COL8A1: variants seen among roughly 807,000 people sequenced by gnomAD.
COL8A1 encodes the protein collagen alpha-1(VIII) chain.
COL8A1 carries 21 observed loss-of-function variants against 42.7 expected under a neutral mutation model. The ratio of observed to expected loss-of-function variants is 0.49; its 90% CI spans 0.35 to 0.71. The LOEUF (loss-of-function observed/expected upper bound fraction) is 0.71, where lower values mean the gene tolerates loss of function less well. Ranked by LOEUF, COL8A1 falls within the 30% of genes least tolerant of loss-of-function variation. The probability of loss-of-function intolerance (pLI) is 0.01; values close to 1 mark genes in which losing one functional copy is unlikely to be tolerated. For synonymous variants in COL8A1, 367 were observed against 369.1 expected (o/e 0.99, Z 0.06); for missense variants, 788 against 962.4 (o/e 0.82, Z 2.40).
intron 2 of COL8A1, among the ~76,000 whole-genome samples, chr3:99,763,693 A>C (rs1941406744): frequency 6.6e-6 from 1 of 152,088 alleles, no homozygotes; most frequent in African/African-American, 2.4e-5. Flanking sequence ...GTTTTAACCC[A>C]GGCAGTGTGG....
At chr3:99,732,690 C>T (rs887570066) in intron 1 of COL8A1, among the ~76,000 whole-genome samples, 34 of 152,154 alleles carry the variant, frequency 2.2e-4, no homozygotes, top group Admixed American at 1.0e-3. Context: ...CTGGCCCCTC[C>T]CAAATCTCAT....
chr3:99,653,061 A>G (rs1004450947), intron 1 of COL8A1, among the ~76,000 whole-genome samples: 12 of 152,148 alleles, frequency 7.9e-5, no homozygotes, highest in African/African-American at 2.9e-4. Context: ...AAATAAACTT[A>G]CCTCTCAGGA....
At chr3:99,741,297 A>G (rs1193887992) in intron 1 of COL8A1, among the ~76,000 whole-genome samples, 1 of 151,990 alleles carries the variant, frequency 6.6e-6, no homozygotes, top group Non-Finnish European at 1.5e-5. Context: ...GATTTGTAAG[A>G]GCTCTTTATA....
chr3:99,691,782 A>C (rs563793536), intron 1 of COL8A1: 5 of 151,402 alleles, frequency 3.3e-5, no homozygotes, highest in African/African-American at 1.2e-4. Context: ...AGAGAGGTAA[A>C]GTTGATTTCC....
intron 1 of COL8A1, among the ~76,000 whole-genome samples, chr3:99,664,488 A>AAAAT (rs1054618933): frequency 1.3e-5 from 2 of 152,106 alleles, no homozygotes; most frequent in Non-Finnish European, 2.9e-5. Flanking sequence ...ATAATAAAAA[A>AAAAT]AAAATAAAAT....
intron 1 of COL8A1, among the ~76,000 whole-genome samples, chr3:99,741,128 A>C (rs575621246): frequency 6.6e-6 from 1 of 152,270 alleles, no homozygotes. Flanking sequence ...ATCTTGGCTG[A>C]TTTGATAACT....
chr3:99,667,264 A>G (rs1314120306), intron 1 of COL8A1, among the ~76,000 whole-genome samples: 2 of 152,138 alleles, frequency 1.3e-5, no homozygotes, highest in African/African-American at 4.8e-5. Context: ...TTCTTGTAAG[A>G]GGCATCATTA....
At chr3:99,657,312 G>A (rs1938053560) in intron 1 of COL8A1, among the ~76,000 whole-genome samples, 1 of 151,918 alleles carries the variant, frequency 6.6e-6, no homozygotes, top group Admixed American at 6.6e-5. Flanking sequence ...GGCTTTCATG[G>A]GTGTTAACTC....
chr3:99,714,478 C>T (rs1244733931), intron 1 of COL8A1, among the ~76,000 whole-genome samples: 1 of 152,060 alleles, frequency 6.6e-6, no homozygotes, highest in Non-Finnish European at 1.5e-5. Context: ...ACAGTGTTAA[C>T]AGAAGAATGA....
At chr3:99,638,884 C>A (rs1342170245) in intron 1 of COL8A1, among the ~76,000 whole-genome samples, 1 of 152,116 alleles carries the variant, frequency 6.6e-6, no homozygotes, top group African/African-American at 2.4e-5. Flanking sequence ...TATTGCGAAA[C>A]CTTTCTCTTT....
At chr3:99,749,291 T>G (rs1023735900) in intron 2 of COL8A1, among the ~76,000 whole-genome samples, 2 of 152,182 alleles carry the variant, frequency 1.3e-5, no homozygotes, top group African/African-American at 4.8e-5. Flanking sequence ...TTTACAGGGC[T>G]TTGAAAATCA....
chr3:99,668,440 C>A (rs967681247), intron 1 of COL8A1, among the ~76,000 whole-genome samples: 23 of 152,056 alleles, frequency 1.5e-4, no homozygotes, highest in African/African-American at 5.6e-4. Flanking sequence ...ATACACTATT[C>A]TTGCCATAAC....
chr3:99,682,173 C>T (rs997429746), intron 1 of COL8A1, among the ~76,000 whole-genome samples: 96 of 152,012 alleles, frequency 6.3e-4, no homozygotes, highest in African/African-American at 2.2e-3. Flanking sequence ...CCAGCACTTT[C>T]GGAGGCCAAG....
At position 99,796,606 on chromosome 3, in the gene COL8A1, T is replaced by G. The variant is rs1308603466; in HGVS notation, c.*470T>G. ...TTCCTCTGTATTTGTGTAGATACTT[T>G]GACATGGAATATATGGTGGGGAGAC... On this transcript the variant is annotated 3_prime_UTR_variant, in exon 4 of 4. Coordinates refer to ENST00000652472, the MANE Select transcript of COL8A1 (RefSeq NM_020351.4). 1 of 152,584 alleles carries G rather than the reference T, an allele frequency of 6.6e-6. No individual in the cohort carries two copies. Among genetic ancestry groups the G allele is most frequent in the Non-Finnish European group, 1.5e-5 (1 of 68,420 alleles). 9.5% of individuals were successfully genotyped at this position (152,584 alleles called of 1,614,324 possible).
At chr3:99,651,158 CAAAATGGGATGAGGAATG>C (rs1937833891) in intron 1 of COL8A1, among the ~76,000 whole-genome samples, 1 of 152,118 alleles carries the variant, frequency 6.6e-6, no homozygotes, top group Non-Finnish European at 1.5e-5. Flanking sequence ...ACTATATAAA[CAAAATGGGATGAGGAATG>C]AAAAAGTTCC....
intron 2 of COL8A1, among the ~76,000 whole-genome samples, chr3:99,772,427 G>T (rs1438505126): frequency 6.6e-6 from 1 of 152,112 alleles, no homozygotes; most frequent in Non-Finnish European, 1.5e-5. Flanking sequence ...ACAACACCAA[G>T]AGTGAACACT....
chr3:99,791,047 C>A (rs1941991434), intron 3 of COL8A1, 37 bp downstream of exon 3: 1 of 1,528,700 alleles, frequency 6.5e-7, no homozygotes, highest in Non-Finnish European at 8.9e-7. Flanking sequence ...AAAACAACAG[C>A]TTTCCAAATC....
chr3:99,754,084 GAATA>G (rs1456777819), intron 2 of COL8A1, among the ~76,000 whole-genome samples: 1 of 152,130 alleles, frequency 6.6e-6, no homozygotes, highest in Non-Finnish European at 1.5e-5. Flanking sequence ...AGTATACACT[GAATA>G]AATAATTTTT....
intron 1 of COL8A1, among the ~76,000 whole-genome samples, chr3:99,682,310 G>A (rs917575309): frequency 2.6e-5 from 4 of 152,078 alleles, no homozygotes; most frequent in African/African-American, 7.2e-5. Context: ...CCAGCTACTC[G>A]GGAGTCTGAG....
Sources: allele counts gnomAD v4.1 joint callset (sites outside exome capture counted in the v4.1 genomes callset), GRCh38; gene constraint gnomAD v4.1.1; transcripts MANE v1.5; gene names NCBI Gene and HGNC (gene_info 2026-07-23, HGNC 2026-07-21).